The following CREB3L2 variants were observed in gnomAD, a reference collection of about 807,000 sequenced individuals.
The protein encoded by CREB3L2 is cyclic AMP-responsive element-binding protein 3-like protein 2.
A neutral mutation model predicts 57.2 loss-of-function variants in CREB3L2; 23 were observed. The observed-to-expected ratio is 0.40, with a 90% confidence interval of 0.29 to 0.57. CREB3L2 has a LOEUF of 0.57. CREB3L2 is among the 20% of genes least tolerant of loss of function. CREB3L2 has a pLI of 0.42. For synonymous variants in CREB3L2, 268 were observed against 265.1 expected (o/e 1.01, Z -0.11); for missense variants, 628 against 634.7 (o/e 0.99, Z 0.11).
At chr7:137,906,681 G>C (rs983740325) in intron 5 of CREB3L2, among the ~76,000 whole-genome samples, 1 of 152,206 alleles carries the variant, frequency 6.6e-6, no homozygotes, top group African/African-American at 2.4e-5. Context: ...ATTCCCACGT[G>C]TTGTGGGAGG....
At chr7:137,919,796 C>T (rs1800230387) in intron 2 of CREB3L2, among the ~76,000 whole-genome samples, 1 of 152,052 alleles carries the variant, frequency 6.6e-6, no homozygotes. Flanking sequence ...AATATTAAGA[C>T]AAAAACTCTA....
chr7:137,880,631 A>T lies in CREB3L2; in HGVS notation c.1488-80T>A, dbSNP rs1009518016. On this transcript the variant is annotated intron_variant, in intron 11 of 11. Coordinates refer to ENST00000330387, the MANE Select transcript of CREB3L2 (RefSeq NM_194071.4). This position sits in a 1 kb window ranked among gnomAD's most constrained non-coding sequence, Gnocchi z 4.0. The stretch of plus-strand genomic sequence containing the variant: ...TTCTCATGCTTTGTAGCGTGATGCA[A>T]TCATTCAGGGGTTGCAACTTGGTGA... The T allele has an allele frequency of 3.4e-6, 4 of 1,165,974 alleles. No individual in the cohort carries two copies. Among genetic ancestry groups the T allele is most frequent in the Non-Finnish European group, 5.1e-6 (4 of 781,632 alleles). 72.2% of individuals were successfully genotyped at this position (1,165,974 alleles called of 1,614,324 possible). A position where few individuals can be genotyped will look rare whatever the true frequency, so the allele number is the denominator to read the frequency against.
chr7:137,879,367 G>A lies in CREB3L2; in HGVS notation c.*1109C>T. On this transcript the variant is annotated 3_prime_UTR_variant, in exon 12 of 12. Transcript: ENST00000330387. ...AGGGAGGAGGGGGCCAGGCAGGTGT[G>A]GAAAGCCAGCAAGGTTGTCTGAAAT... 1 of 482,494 alleles carries A rather than the reference G, an allele frequency of 2.1e-6. No homozygotes were observed. Among genetic ancestry groups the A allele is most frequent in the South Asian group, 1.7e-5 (1 of 57,380 alleles). The allele number at this position is 482,494 out of a possible 1,614,324, so 29.9% of individuals were successfully genotyped here.
chr7:137,999,614 T>G (rs1331683577), intron 1 of CREB3L2: 3 of 151,968 alleles, frequency 2.0e-5, no homozygotes, highest in Non-Finnish European at 4.4e-5. Context: ...TCTAACAGAG[T>G]TCAGGAAACA....
chr7:137,887,441 G>A (rs1252210303), intron 8 of CREB3L2, among the ~76,000 whole-genome samples: 2 of 152,210 alleles, frequency 1.3e-5, no homozygotes, highest in African/African-American at 4.8e-5. Flanking sequence ...AGGCGCGGTG[G>A]CTCACGCCTG....
At chr7:137,901,874 CAA>C (rs59855306) in intron 7 of CREB3L2, among the ~76,000 whole-genome samples, 3 of 57,828 alleles carry the variant, frequency 5.2e-5, no homozygotes, top group Middle Eastern at 0.018. Context: ...AGATCTGTCT[CAA>C]AAAAAAAAAA....
intron 8 of CREB3L2, among the ~76,000 whole-genome samples, chr7:137,895,514 A>T (rs1015977179): frequency 6.6e-6 from 1 of 152,168 alleles, no homozygotes. Flanking sequence ...GAAAAACTGA[A>T]GAAAGATGAA....
At position 137,980,100 on chromosome 7, in the gene CREB3L2, G is replaced by A. The variant is rs1801686554; in HGVS notation, c.102+21504C>T. Among the ~76,000 whole-genome samples the A allele has an allele frequency of 6.6e-6, 1 of 152,182 alleles. No individual in the cohort carries two copies. The highest frequency in any genetic ancestry group is 1.5e-5 in the Non-Finnish European group (1 of 68,028). On this transcript the variant is annotated intron_variant, in intron 1 of 11. Coordinates refer to ENST00000330387, the MANE Select transcript of CREB3L2 (RefSeq NM_194071.4). The surrounding 1 kb of genome is among the most constrained non-coding windows in gnomAD (Gnocchi z 4.3). ...ATTATAATTCAGAAAGTCTAGAGTA[G>A]GGCCTGAGATTCTGAATTTGTGACA...
Position 137,884,989 on chromosome 7 carries a change from T to C in CREB3L2, c.1270+6A>G, listed in dbSNP as rs371717015. 6.2e-7 allele frequency: 1 copy of C among 1,614,156 alleles called. No individual in the cohort carries two copies. Among genetic ancestry groups the C allele is most frequent in the East Asian group, 2.2e-5 (1 of 44,878 alleles). On this transcript the variant is annotated splice_donor_region_variant and intron_variant, in intron 10 of 11. Transcript: ENST00000330387. ...ACCCTGCCCAACTTGCCACATGCTG[T>C]CTTACCCACGGAGGCTGTGTAGGGC... is the stretch of plus-strand genomic sequence containing the variant.
At chr7:137,979,845 G>T (rs996998244) in intron 1 of CREB3L2, among the ~76,000 whole-genome samples, 1 of 152,208 alleles carries the variant, frequency 6.6e-6, no homozygotes, top group Non-Finnish European at 1.5e-5. Context: ...AAAGGGATCA[G>T]TCAGAAATGG....
chr7:137,939,784 T>A (rs1314078151), intron 1 of CREB3L2, among the ~76,000 whole-genome samples: 1 of 152,172 alleles, frequency 6.6e-6, no homozygotes, highest in Non-Finnish European at 1.5e-5. Flanking sequence ...TTTTCTCCAC[T>A]TCTATCCCCG....
At chr7:137,977,226 G>T (rs1002496212) in intron 1 of CREB3L2, among the ~76,000 whole-genome samples, 1 of 152,172 alleles carries the variant, frequency 6.6e-6, no homozygotes, top group Non-Finnish European at 1.5e-5. Context: ...CCAGCAAAAG[G>T]AAGAAAGTGG....
At chr7:137,892,700 G>A (rs1234313528) in intron 8 of CREB3L2, among the ~76,000 whole-genome samples, 1 of 152,014 alleles carries the variant, frequency 6.6e-6, no homozygotes, top group Non-Finnish European at 1.5e-5. Context: ...TGGAAGAGAT[G>A]AGCATCCATG....
rs78165089 is a variant in CREB3L2, at chr7:137,877,817, T to G, written c.*2659A>C. On this transcript the variant is annotated 3_prime_UTR_variant, in exon 12 of 12. Coordinates refer to ENST00000330387, the MANE Select transcript of CREB3L2 (RefSeq NM_194071.4). ...GTGGGGAAAACAAATCCACTGATAT[T>G]CTGGTCTTAATCCCTGAACAGAAAA... 1 of 228,640 alleles carries G rather than the reference T, an allele frequency of 4.4e-6. No homozygotes were observed. The highest frequency in any genetic ancestry group is 6.3e-5 in the East Asian group (1 of 15,886). 14.2% of individuals were successfully genotyped at this position (228,640 alleles called of 1,614,324 possible).
chr7:137,887,804 G>A (rs1585592530), intron 8 of CREB3L2, among the ~76,000 whole-genome samples: 1 of 145,166 alleles, frequency 6.9e-6, no homozygotes, highest in African/African-American at 2.9e-5. Flanking sequence ...CATTCATTCT[G>A]TTAGTTAATA....
intron 5 of CREB3L2, among the ~76,000 whole-genome samples, chr7:137,906,833 T>C (rs1398186057): frequency 6.6e-6 from 1 of 152,246 alleles, no homozygotes; most frequent in African/African-American, 2.4e-5. Flanking sequence ...CTGCCATCCA[T>C]GTAAGACATG....
chr7:137,925,499 A>G (rs957491131), intron 2 of CREB3L2, among the ~76,000 whole-genome samples: 1 of 152,210 alleles, frequency 6.6e-6, no homozygotes, highest in Admixed American at 6.5e-5. Context: ...TATACATGCT[A>G]CATATTTATG....
intron 8 of CREB3L2, among the ~76,000 whole-genome samples, chr7:137,886,725 G>GAAAAAAAA (rs112746477): frequency 7.0e-6 from 1 of 143,346 alleles, no homozygotes; most frequent in African/African-American, 2.5e-5. Flanking sequence ...AGCAAGAGCA[G>GAAAAAAAA]AAAAAAAAAA....
At chr7:137,924,057 C>T (rs976152977) in intron 2 of CREB3L2, among the ~76,000 whole-genome samples, 15 of 152,196 alleles carry the variant, frequency 9.9e-5, no homozygotes, top group Admixed American at 3.3e-4. Flanking sequence ...CCTGAGAACA[C>T]AGCTCCATAA....
Sources: allele counts gnomAD v4.1 joint callset (sites outside exome capture counted in the v4.1 genomes callset), GRCh38; gene constraint gnomAD v4.1.1; non-coding constraint Gnocchi (gnomAD v3.1); transcripts MANE v1.5; gene names NCBI Gene and HGNC (gene_info 2026-07-23, HGNC 2026-07-21).